The following NPFFR2 variants were observed in gnomAD, a reference collection of about 807,000 sequenced individuals.
NPFFR2 encodes the protein G-protein coupled receptor 74.
NPFFR2 carries 15 observed loss-of-function variants against 13.1 expected under a neutral mutation model. That is an observed-to-expected ratio of 1.15 (90% CI 0.77 to 1.76). The LOEUF (loss-of-function observed/expected upper bound fraction) is 1.76, where lower values mean the gene tolerates loss of function less well. NPFFR2 is among the 40% of genes most tolerant of loss of function. The pLI is 0.00. For synonymous variants in NPFFR2, 190 were observed against 175.7 expected, an observed-to-expected ratio of 1.08 and a Z score of -0.65; for missense variants, 572 against 503.5, an observed-to-expected ratio of 1.14 and a Z score of -1.30.
intron 1 of NPFFR2, among the ~76,000 whole-genome samples, chr4:72,091,380 C>G (rs766990140): frequency 3.3e-5 from 5 of 152,052 alleles, no homozygotes; most frequent in Non-Finnish European, 7.4e-5. Flanking sequence ...TTCTCTATCT[C>G]TTGGAATAGT....
intron 3 of NPFFR2, among the ~76,000 whole-genome samples, chr4:72,143,497 A>G (rs1444939416): frequency 6.6e-6 from 1 of 152,180 alleles, no homozygotes; most frequent in Non-Finnish European, 1.5e-5. Context: ...AGGCCCTCAG[A>G]TGACTGGATG....
chr4:72,082,965 T>C (rs925759726), intron 1 of NPFFR2, among the ~76,000 whole-genome samples: 21 of 152,182 alleles, frequency 1.4e-4, no homozygotes, highest in Non-Finnish European at 2.4e-4. Flanking sequence ...TTTAGGTTCA[T>C]CTGCGTTGTT....
chr4:72,115,272 T>G (rs760004150), intron 1 of NPFFR2, among the ~76,000 whole-genome samples: 4 of 152,204 alleles, frequency 2.6e-5, no homozygotes, highest in Non-Finnish European at 5.9e-5. Flanking sequence ...CATTTTGATT[T>G]GACTGGCATT....
At chr4:72,051,032 T>C (rs1196421732) in intron 1 of NPFFR2, among the ~76,000 whole-genome samples, 1 of 152,038 alleles carries the variant, frequency 6.6e-6, no homozygotes, top group Non-Finnish European at 1.5e-5. Flanking sequence ...TTTGGGTTGG[T>C]TCCAAGTCTT....
intron 1 of NPFFR2, among the ~76,000 whole-genome samples, chr4:72,040,927 AAT>A (rs61548490): frequency 2.0e-5 from 3 of 146,796 alleles, no homozygotes; most frequent in African/African-American, 7.4e-5. Flanking sequence ...ACTGCTGTAA[AAT>A]ATATATATAT....
chr4:72,073,611 A>T (rs1030454524), intron 1 of NPFFR2, among the ~76,000 whole-genome samples: 2 of 152,094 alleles, frequency 1.3e-5, no homozygotes, highest in South Asian at 4.1e-4. Flanking sequence ...AGTTAGTATT[A>T]TAACTTTAGT....
intron 1 of NPFFR2, among the ~76,000 whole-genome samples, chr4:72,107,272 A>G (rs2109815782): frequency 6.6e-6 from 1 of 150,990 alleles, no homozygotes; most frequent in South Asian, 2.1e-4. Context: ...TTTGTGTATT[A>G]TAAAAGTTAG....
chr4:72,051,464 A>G, intron 1 of NPFFR2, among the ~76,000 whole-genome samples: 1 of 151,410 alleles, frequency 6.6e-6, no homozygotes, highest in African/African-American at 2.4e-5. Context: ...AAGACACAAC[A>G]TACCAGAATC....
chr4:72,040,399 G>A (rs925250634), intron 1 of NPFFR2, among the ~76,000 whole-genome samples: 4 of 152,028 alleles, frequency 2.6e-5, no homozygotes, highest in Admixed American at 6.6e-5. Flanking sequence ...CTTCCCCTTC[G>A]AATTGAAAAC....
At chr4:72,094,280 T>G (rs899674380) in intron 1 of NPFFR2, among the ~76,000 whole-genome samples, 2 of 152,166 alleles carry the variant, frequency 1.3e-5, no homozygotes, top group African/African-American at 4.8e-5. Context: ...GTTGTATTTT[T>G]GCTAAGTACT....
At chr4:72,125,826 A>G (rs537360359) in intron 1 of NPFFR2, among the ~76,000 whole-genome samples, 77 of 152,324 alleles carry the variant, frequency 5.1e-4, no homozygotes, top group Non-Finnish European at 9.1e-4. Flanking sequence ...CTATTTTAAT[A>G]TAAGCTAACT....
At chr4:72,122,629 G>A (rs879780636) in intron 1 of NPFFR2, among the ~76,000 whole-genome samples, 4 of 152,126 alleles carry the variant, frequency 2.6e-5, no homozygotes, top group East Asian at 1.9e-4. Flanking sequence ...CATAGAAACC[G>A]AACATTCTGC....
At position 72,069,817 on chromosome 4, in the gene NPFFR2, T is replaced by C. The variant is rs369256007; in HGVS notation, c.-8+37617T>C. Among the ~76,000 whole-genome samples, 345 of 152,208 alleles carry C rather than the reference T, an allele frequency of 2.3e-3. 5 individuals are homozygous for C. Among genetic ancestry groups the C allele is most frequent in the African/African-American group, 7.8e-3 (325 of 41,558 alleles). ...TATGTTCAACCTAGTAATAAGGAAA[T>C]GTAAATTGTTTTAAAAGTTACAGAA... On this transcript the variant is annotated intron_variant, in intron 1 of 3. Transcript: ENST00000308744.
chr4:72,104,924 G>T (rs1028908371), intron 1 of NPFFR2, among the ~76,000 whole-genome samples: 6 of 151,074 alleles, frequency 4.0e-5, no homozygotes, highest in Non-Finnish European at 8.9e-5. Context: ...AAATATTTAA[G>T]AATTAACTAT....
intron 1 of NPFFR2, among the ~76,000 whole-genome samples, chr4:72,062,439 A>T (rs566637827): frequency 6.6e-6 from 1 of 152,250 alleles, no homozygotes; most frequent in Admixed American, 6.5e-5. Flanking sequence ...TTGCAACTTA[A>T]TCAATTAAAC....
chr4:72,147,969 G>T lies in NPFFR2; in HGVS notation c.*157G>T. On this transcript the variant is annotated 3_prime_UTR_variant, in exon 4 of 4. Transcript: ENST00000308744. ...AAAAAATTAAAAATAAACAAAAATGGTCATAAGATCATAAACAATCTTATG... is the reference window on the plus strand; with the variant it reads ...AAAAAATTAAAAATAAACAAAAATGTTCATAAGATCATAAACAATCTTATG... 4 of 563,348 alleles carry T rather than the reference G, an allele frequency of 7.1e-6. No homozygotes were observed. Among genetic ancestry groups the T allele is most frequent in the South Asian group, 2.8e-5 (1 of 36,248 alleles). 34.9% of individuals were successfully genotyped at this position (563,348 alleles called of 1,614,324 possible). A position where few individuals can be genotyped will look rare whatever the true frequency, so the allele number is the denominator to read the frequency against.
At chr4:72,080,238 C>G (rs1286336105) in intron 1 of NPFFR2, among the ~76,000 whole-genome samples, 1 of 151,736 alleles carries the variant, frequency 6.6e-6, no homozygotes, top group Non-Finnish European at 1.5e-5. Flanking sequence ...AATCTCCGCT[C>G]ACTGCAACCT....
At chr4:72,057,521 G>A (rs1719789374) in intron 1 of NPFFR2, among the ~76,000 whole-genome samples, 3 of 151,908 alleles carry the variant, frequency 2.0e-5, no homozygotes, top group Admixed American at 1.3e-4. Flanking sequence ...TTGTTGCTAT[G>A]TCTGAATTTT....
chr4:72,083,974 G>A (rs1312791046), intron 1 of NPFFR2, among the ~76,000 whole-genome samples: 3 of 152,046 alleles, frequency 2.0e-5, no homozygotes, highest in African/African-American at 7.2e-5. Context: ...CATTGTCAAA[G>A]TCAACACTAC....
Sources: allele counts gnomAD v4.1 joint callset (sites outside exome capture counted in the v4.1 genomes callset), GRCh38; gene constraint gnomAD v4.1.1; transcripts MANE v1.5; gene names NCBI Gene and HGNC (gene_info 2026-07-23, HGNC 2026-07-21).